Variants in NEDD4L observed in about 807,000 individuals in gnomAD.
NEDD4L encodes NEDD4 like E3 ubiquitin protein ligase.
NEDD4L carries 54 observed loss-of-function variants against 148.9 expected under a neutral mutation model. The ratio of observed to expected loss-of-function variants is 0.36; its 90% CI spans 0.29 to 0.45. The LOEUF is 0.45. NEDD4L is among the 20% of genes least tolerant of loss of function. The pLI, the probability that NEDD4L is intolerant of heterozygous loss-of-function variation, is 1.00. For synonymous variants in NEDD4L, 433 were observed against 440.7 expected, an observed-to-expected ratio of 0.98 and a Z score of 0.22; for missense variants, 856 against 1,233.8, an observed-to-expected ratio of 0.69 and a Z score of 4.59.
chr18:58,126,786 G>A (rs910354356), intron 1 of NEDD4L, among the ~76,000 whole-genome samples: 4 of 152,164 alleles, frequency 2.6e-5, no homozygotes, highest in African/African-American at 9.7e-5. Flanking sequence ...CTTTTCTGTT[G>A]CCTCTGTAGC....
intron 2 of NEDD4L, among the ~76,000 whole-genome samples, chr18:58,167,712 A>AG (rs770284136): frequency 2.6e-5 from 4 of 151,348 alleles, no homozygotes; most frequent in Admixed American, 6.6e-5. Flanking sequence ...TAGAGCATCA[A>AG]GGGAAAAAAA....
At chr18:58,377,617 AC>A (rs1239271360) in intron 24 of NEDD4L, among the ~76,000 whole-genome samples, 1 of 152,046 alleles carries the variant, frequency 6.6e-6, no homozygotes, top group Non-Finnish European at 1.5e-5. Flanking sequence ...AATAAGCCGT[AC>A]CCCCATTCAC....
intron 2 of NEDD4L, among the ~76,000 whole-genome samples, chr18:58,206,360 G>C (rs2041988481): frequency 6.6e-6 from 1 of 152,162 alleles, no homozygotes. Context: ...CTGCACTCCA[G>C]CCTGGGTGAC....
At chr18:58,243,206 G>T (rs1288532300) in intron 2 of NEDD4L, among the ~76,000 whole-genome samples, 1 of 152,206 alleles carries the variant, frequency 6.6e-6, no homozygotes, top group Non-Finnish European at 1.5e-5. Context: ...GCATAAAAAT[G>T]AGAGCAACAG....
chr18:58,387,626 A>T, intron 27 of NEDD4L, 128 bp downstream of exon 27: 2 of 1,085,936 alleles, frequency 1.8e-6, no homozygotes. Flanking sequence ...GAATTATATT[A>T]CATGTCTCTT....
rs571861346 is a variant in NEDD4L, at chr18:58,082,734, G to A, written c.48+38026G>A. ...TTGCAGTGAGTGGAGGTTGCAGTGA[G>A]CTGAGATCACACCACTGCACTCTGG... is the stretch of plus-strand genomic sequence containing the variant. On this transcript the variant is annotated intron_variant, in intron 1 of 30. Coordinates refer to ENST00000400345, the MANE Select transcript of NEDD4L (RefSeq NM_001144967.3). Among the ~76,000 whole-genome samples the A allele has an allele frequency of 6.1e-5, 9 of 148,714 alleles. No individual in the cohort carries two copies. In the East Asian group the frequency reaches 1.8e-3, roughly 30 times the overall value.
At chr18:58,262,965 T>G (rs1270931638) in intron 5 of NEDD4L, among the ~76,000 whole-genome samples, 1 of 152,196 alleles carries the variant, frequency 6.6e-6, no homozygotes, top group African/African-American at 2.4e-5. Flanking sequence ...AGAAGCCTGT[T>G]TTTTATGCCC....
chr18:58,089,126 ATTTT>A (rs570623396), intron 1 of NEDD4L, among the ~76,000 whole-genome samples: 3,053 of 100,822 alleles, frequency 0.03, 77 homozygotes, highest in African/African-American at 0.12. Context: ...TTATTTCATA[ATTTT>A]TTTTTTTTTT....
intron 5 of NEDD4L, among the ~76,000 whole-genome samples, chr18:58,267,722 A>G (rs540912481): frequency 6.0e-4 from 92 of 152,144 alleles, no homozygotes; most frequent in African/African-American, 2.2e-3. Flanking sequence ...GTGTCATGCC[A>G]GGGCGTGGGT....
intron 1 of NEDD4L, among the ~76,000 whole-genome samples, chr18:58,063,814 A>G (rs1040903145): frequency 1.6e-4 from 24 of 151,924 alleles, no homozygotes; most frequent in African/African-American, 5.3e-4. Context: ...TCGGCCTCCC[A>G]AAGTGCTGGG....
intron 20 of NEDD4L, among the ~76,000 whole-genome samples, chr18:58,364,935 T>C (rs983394874): frequency 6.6e-6 from 1 of 152,228 alleles, no homozygotes; most frequent in African/African-American, 2.4e-5. Flanking sequence ...TGTTCAACAT[T>C]GCATCCTCTG....
At chr18:58,195,484 G>C in intron 2 of NEDD4L, 1 of 1,343,764 alleles carries the variant, frequency 7.4e-7, no homozygotes, top group Non-Finnish European at 9.8e-7. Flanking sequence ...TAAGCCGCGC[G>C]AGGGTGCCCG....
chr18:58,147,183 A>C (rs896018851), intron 1 of NEDD4L, among the ~76,000 whole-genome samples: 2 of 152,156 alleles, frequency 1.3e-5, no homozygotes, highest in African/African-American at 4.8e-5. Flanking sequence ...AAATTAGAGA[A>C]AGGCTGTGAG....
At chr18:58,053,300 G>A (rs945108325) in intron 1 of NEDD4L, among the ~76,000 whole-genome samples, 4 of 150,186 alleles carry the variant, frequency 2.7e-5, no homozygotes, top group African/African-American at 9.7e-5. Context: ...GGTCTTGCCT[G>A]TGTTAACAAT....
At chr18:58,348,389 T>C (rs940517973) in intron 16 of NEDD4L, among the ~76,000 whole-genome samples, 1 of 138,134 alleles carries the variant, frequency 7.2e-6, no homozygotes, top group African/African-American at 2.8e-5. Context: ...TGGAGTTCAG[T>C]GGCACAATCT....
intron 2 of NEDD4L, among the ~76,000 whole-genome samples, chr18:58,234,122 C>T (rs57516752): frequency 0.092 from 10,449 of 113,634 alleles, 933 homozygotes; most frequent in Middle Eastern, 0.12. Flanking sequence ...TTTTCTTTTC[C>T]TTCTTTTTTT....
intron 18 of NEDD4L, among the ~76,000 whole-genome samples, chr18:58,356,694 G>A (rs376290810): frequency 2.6e-5 from 4 of 152,110 alleles, no homozygotes; most frequent in Non-Finnish European, 5.9e-5. Flanking sequence ...TATGAGTGAC[G>A]CATGTAATAG....
chr18:58,359,472 C>T (rs72942884), intron 19 of NEDD4L, among the ~76,000 whole-genome samples: 1,736 of 152,248 alleles, frequency 0.011, 25 homozygotes, highest in Non-Finnish European at 0.014. Context: ...CCATTTGCCA[C>T]GTCATTGTTG....
chr18:58,072,872 G>GCGCGCA (rs1555682058), intron 1 of NEDD4L, among the ~76,000 whole-genome samples: 5 of 131,558 alleles, frequency 3.8e-5, no homozygotes, highest in East Asian at 2.4e-4. Context: ...GCGCGCGCGC[G>GCGCGCA]CACACACACA....
Sources: allele counts gnomAD v4.1 joint callset (sites outside exome capture counted in the v4.1 genomes callset), GRCh38; gene constraint gnomAD v4.1.1; transcripts MANE v1.5; gene names NCBI Gene and HGNC (gene_info 2026-07-23, HGNC 2026-07-21).